The following TNC variants were observed in gnomAD, a reference collection of about 807,000 sequenced individuals.
TNC encodes tenascin.
Under a neutral mutation model 202.4 loss-of-function variants are expected in TNC, and 109 were observed. The observed-to-expected ratio is 0.54, with a 90% CI of 0.46 to 0.63. TNC has a LOEUF of 0.63. Among genes scored for constraint, TNC ranks in the 30% least tolerant of loss-of-function variants. The pLI, the probability that TNC is intolerant of heterozygous loss-of-function variation, is 0.00. For synonymous variants in TNC, 1,007 were observed against 1,089.7 expected (o/e 0.92, Z 1.50); for missense variants, 2,756 against 2,833.3 (o/e 0.97, Z 0.62).
At position 115,021,272 on chromosome 9, in the gene TNC, T is replaced by TAA; in HGVS notation, c.6496-7_6496-6dup. On this transcript the variant is annotated splice_region_variant and splice_polypyrimidine_tract_variant and intron_variant, in intron 27 of 27. Coordinates refer to ENST00000350763, the MANE Select transcript of TNC (RefSeq NM_002160.4). The stretch of plus-strand genomic sequence containing the variant: ...CCAGTGGAACCAGTTAACGCCCTGT[T>TAA]AAAAAAAAAAAAGAGAGAGAGAGAG... The TAA allele has an allele frequency of 5.2e-5, 70 of 1,333,388 alleles. No homozygotes were observed. The highest frequency in any genetic ancestry group is 1.1e-4 in the South Asian group (8 of 69,758). 82.6% of individuals were successfully genotyped at this position (1,333,388 alleles called of 1,614,324 possible). A position where few individuals can be genotyped will look rare whatever the true frequency, so the allele number is the denominator to read the frequency against.
At chr9:115,063,695 T>C (rs1832720876) in intron 12 of TNC, 101 bp downstream of exon 12, 2 of 1,259,344 alleles carry the variant, frequency 1.6e-6, no homozygotes, top group South Asian at 1.5e-5. Context: ...ATTTCCCCAA[T>C]GTGGTAGGAG....
Position 115,057,352 on chromosome 9 carries a change from A to T in TNC, c.4380T>A (p.Ala1460=), listed in dbSNP as rs753002981. ...TPESFNLSWM[A]TDGIFETFTI... is the part of the protein sequence containing the mutation. ...TAAAGGTCTCGAAGATCCCATCGGT[A>T]GCCATCCAGGAGAGATTGAAGCTCT... Residue 1460 remains alanine, a synonymous_variant, in exon 15 of 28, where the codon GCT becomes GCA. Coordinates refer to ENST00000350763, the MANE Select transcript of TNC (RefSeq NM_002160.4). The T allele has an allele frequency of 1.9e-6, 3 of 1,614,184 alleles. No homozygotes were observed. The South Asian group carries it at 3.3e-5, about 18-fold the overall frequency.
rs777438051 is a variant in TNC at position 115,063,297 on chromosome 9, T to C, written c.3761-108A>G. The C allele has an allele frequency of 6.2e-4, 738 of 1,194,804 alleles. 1 individual carries two copies. The highest frequency in any genetic ancestry group is 1.9e-3 in the Admixed American group (95 of 48,890). 74.0% of individuals were successfully genotyped at this position (1,194,804 alleles called of 1,614,324 possible). The stretch of plus-strand genomic sequence containing the variant: ...GTTGGGATGAGTTGTCTGGTTAGTG[T>C]TGATTATAGATGCATGATTTACAGC... On this transcript the variant is annotated intron_variant, in intron 12 of 27. Transcript: ENST00000350763.
intron 19 of TNC, 141 bp downstream of exon 19, chr9:115,040,800 G>T: frequency 8.9e-7 from 1 of 1,121,294 alleles, no homozygotes; most frequent in Admixed American, 3.2e-5. Flanking sequence ...TTTCCACTAG[G>T]ATCTCATAAA....
chr9:115,052,250 A>G (rs1282749062), intron 15 of TNC, among the ~76,000 whole-genome samples: 1 of 152,000 alleles, frequency 6.6e-6, no homozygotes, highest in African/African-American at 2.4e-5. Flanking sequence ...GTAATCTAAG[A>G]AAGCTGAACA....
intron 22 of TNC, among the ~76,000 whole-genome samples, chr9:115,033,173 G>A (rs538566668): frequency 2.1e-4 from 32 of 152,128 alleles, no homozygotes; most frequent in Non-Finnish European, 3.8e-4. Context: ...TCTTGCATGC[G>A]GGTTTCCCAA....
chr9:115,098,827 G>A (rs931765495), intron 1 of TNC, among the ~76,000 whole-genome samples: 3 of 151,900 alleles, frequency 2.0e-5, no homozygotes, highest in Non-Finnish European at 4.4e-5. Flanking sequence ...TTACATGGGC[G>A]TTCTTAAATG....
chr9:115,036,374 TCTGA>T, intron 20 of TNC, 133 bp from the exon 21 acceptor site: 105 of 986,752 alleles, frequency 1.1e-4, no homozygotes, highest in South Asian at 3.3e-4. Flanking sequence ...AGGTCTGATT[TCTGA>T]AATGACTCAC....
chr9:115,082,912 G>A (rs1402022143), intron 4 of TNC, 105 bp from the exon 5 acceptor site: 10 of 750,380 alleles, frequency 1.3e-5, no homozygotes, highest in South Asian at 9.8e-5. Flanking sequence ...AACAGTCAGG[G>A]GCTGACAACC....
intron 25 of TNC, among the ~76,000 whole-genome samples, chr9:115,029,035 GAAAAAA>G (rs71375266): frequency 1.4e-5 from 1 of 71,214 alleles, no homozygotes; most frequent in East Asian, 5.6e-4. Flanking sequence ...ATTATCTCTG[GAAAAAA>G]AAAAAAAAAA....
At position 115,073,774 on chromosome 9, in the gene TNC, A is replaced by G; in HGVS notation, c.3043T>C (p.Tyr1015His). 6.2e-7 allele frequency: 1 copy of G among 1,614,176 alleles called. No homozygotes were observed. The highest frequency in any genetic ancestry group is 1.3e-5 in the African/African-American group (1 of 75,052). The change falls in exon 10 of 28, where the codon TAC (tyrosine) becomes CAC (histidine). Residue 1015 changes from tyrosine (Y) to histidine (H), a missense_variant. Tyr to His is a moderately conservative substitution (Grantham distance 83). Coordinates refer to ENST00000350763, the MANE Select transcript of TNC (RefSeq NM_002160.4). ...GTGGGGAGACTGTAATTGAGGCGGTAGCGGTCAAATTTGGCCAACGGTGTC... is the reference window on the plus strand; with the variant it reads ...GTGGGGAGACTGTAATTGAGGCGGTGGCGGTCAAATTTGGCCAACGGTGTC... The part of the protein sequence containing the change: ...WKTPLAKFDR[Y>H]RLNYSLPTGQ...
Position 115,118,119 on chromosome 9 carries a change from C to G in TNC, c.-274G>C, listed in dbSNP as rs1354557618. 2 of 152,244 alleles carry G rather than the reference C, an allele frequency of 1.3e-5. No individual in the cohort carries two copies. The highest frequency in any genetic ancestry group is 4.8e-5 in the African/African-American group (2 of 41,442). 9.4% of individuals were successfully genotyped at this position (152,244 alleles called of 1,614,324 possible). The stretch of plus-strand genomic sequence containing the variant: ...CCACGGAGGCGGGGGCGTGTATCTG[C>G]GCGCGGGAGAGGCGGGTGACAGTAG... On this transcript the variant is annotated 5_prime_UTR_variant, in exon 1 of 28. Transcript: ENST00000350763.
intron 2 of TNC, 119 bp downstream of exon 2, chr9:115,090,443 A>G: frequency 5.3e-6 from 4 of 760,782 alleles, no homozygotes; most frequent in Non-Finnish European, 6.5e-6. Context: ...TTTGTAATGA[A>G]CACTCTGGGA....
At chr9:115,035,105 CACTGGGGTAGAAAA>C in intron 22 of TNC, 85 bp downstream of exon 22, 3 of 1,373,142 alleles carry the variant, frequency 2.2e-6, no homozygotes, top group Non-Finnish European at 2.9e-6. Flanking sequence ...TCCCCAGATG[CACTGGGGTAGAAAA>C]ACAGCATCAG....
intron 1 of TNC, among the ~76,000 whole-genome samples, chr9:115,109,660 T>TA: frequency 6.6e-6 from 1 of 152,354 alleles, no homozygotes; most frequent in East Asian, 1.9e-4. Context: ...CTGTCCTTGG[T>TA]ACTGGTTTTT....
chr9:115,062,872 T>C lies in TNC; in HGVS notation c.4033+45A>G, dbSNP rs377630584. The C allele has an allele frequency of 4.4e-5, 70 of 1,584,422 alleles. No individual in the cohort carries two copies. In the African/African-American group the frequency reaches 9.2e-4, roughly 21 times the overall value. On this transcript the variant is annotated intron_variant, in intron 13 of 27. Transcript: ENST00000350763. Reference sequence around the variant, plus strand: ...GTGAATTTTCTCTATTTCAATGACATGCTGGCTCCTATCATGTCTCCAGTC... The same window carrying C: ...GTGAATTTTCTCTATTTCAATGACACGCTGGCTCCTATCATGTCTCCAGTC...
intron 13 of TNC, among the ~76,000 whole-genome samples, chr9:115,060,554 G>A (rs919385087): frequency 4.6e-5 from 7 of 152,220 alleles, no homozygotes; most frequent in Admixed American, 2.0e-4. Context: ...TACATGGCGA[G>A]TGCCCAATAA....
chr9:115,093,507 A>G (rs568206793), intron 1 of TNC, among the ~76,000 whole-genome samples: 1 of 152,040 alleles, frequency 6.6e-6, no homozygotes, highest in African/African-American at 2.4e-5. Flanking sequence ...TGGCCATCTT[A>G]TGTGTTTACT....
In TNC at chr9:115,062,742, T is replaced by A. The variant is rs188741348; in HGVS notation, c.4033+175A>T. 2.6e-5 allele frequency among the ~76,000 whole-genome samples: 4 copies of A among 152,134 alleles called. No homozygotes were observed. The East Asian group carries it at 7.7e-4, about 29-fold the overall frequency. On this transcript the variant is annotated intron_variant, in intron 13 of 27. Transcript: ENST00000350763. ...TCTATATATATACATACACATATAG[T>A]CCCAAGAATATTTAGCTAGTGAGGT...
Sources: gnomAD v4.1 joint callset for allele counts (sites outside exome capture counted in the v4.1 genomes callset) on GRCh38, gnomAD v4.1.1 for gene constraint, MANE v1.5 for transcripts, NCBI Gene and HGNC (gene_info 2026-07-23, HGNC 2026-07-21) for gene names.